Variants in DCDC1 observed in about 807,000 individuals in gnomAD.
DCDC1 encodes doublecortin domain containing 1.
Under a neutral mutation model 178.3 loss-of-function variants are expected in DCDC1, and 200 were observed. That is an observed-to-expected ratio of 1.12 (90% confidence interval 1.00 to 1.26). The LOEUF (loss-of-function observed/expected upper bound fraction) is 1.26, where lower values mean the gene tolerates loss of function less well. DCDC1 is among the 50% of genes most tolerant of loss of function. The probability of loss-of-function intolerance (pLI) is 0.00; values close to 1 mark genes in which losing one functional copy is unlikely to be tolerated. For synonymous variants in DCDC1, 690 were observed against 604.8 expected, an observed-to-expected ratio of 1.14 and a Z score of -2.07; for missense variants, 1,983 against 1,749.2, an observed-to-expected ratio of 1.13 and a Z score of -2.38.
intron 3 of DCDC1, among the ~76,000 whole-genome samples, chr11:31,323,509 A>T (rs990217349): frequency 2.6e-5 from 4 of 152,104 alleles, no homozygotes; most frequent in African/African-American, 9.7e-5. Flanking sequence ...GCAGTCAACC[A>T]TTTTCATCTA....
chr11:30,959,368 G>A (rs886207131), intron 20 of DCDC1, among the ~76,000 whole-genome samples: 4 of 151,992 alleles, frequency 2.6e-5, no homozygotes, highest in South Asian at 2.1e-4. Flanking sequence ...CTCCAAATTC[G>A]CTCAGCCCCA....
intron 31 of DCDC1, chr11:30,904,479 A>G (rs1944921023): frequency 5.9e-6 from 1 of 168,950 alleles, no homozygotes; most frequent in Non-Finnish European, 1.3e-5. Flanking sequence ...GCAGCCCCCA[A>G]GGCAGACCAG....
rs192056646 is a variant in DCDC1, at chr11:31,098,571, T to C, written c.1983+3606A>G. 3.9e-4 allele frequency among the ~76,000 whole-genome samples: 60 copies of C among 152,310 alleles called. No homozygotes were observed. The East Asian group carries it at 6.6e-3, about 17-fold the overall frequency. ...TCTATCTCAAGCCAATTTTAAAACA[T>C]ATGCATCAAGAATATCGGCTTTTGC... On this transcript the variant is annotated intron_variant, in intron 15 of 38. Transcript: ENST00000684477.
intron 9 of DCDC1, among the ~76,000 whole-genome samples, chr11:31,143,730 C>A (rs916726399): frequency 6.6e-6 from 1 of 152,154 alleles, no homozygotes; most frequent in Non-Finnish European, 1.5e-5. Context: ...TCACTTAAGT[C>A]CCTCTATAAA....
chr11:30,984,063 A>G (rs1027258882), intron 20 of DCDC1, among the ~76,000 whole-genome samples: 3 of 152,214 alleles, frequency 2.0e-5, no homozygotes, highest in African/African-American at 7.2e-5. Context: ...CAAGATTAGA[A>G]TCTTAAAAGC....
intron 9 of DCDC1, among the ~76,000 whole-genome samples, chr11:31,209,108 G>A (rs1324647527): frequency 2.6e-5 from 4 of 152,146 alleles, no homozygotes; most frequent in Non-Finnish European, 5.9e-5. Flanking sequence ...AGGAGAACAT[G>A]ATGTTTAACG....
At chr11:30,885,556 T>G (rs916378509) in intron 36 of DCDC1, among the ~76,000 whole-genome samples, 7 of 151,956 alleles carry the variant, frequency 4.6e-5, no homozygotes, top group African/African-American at 1.7e-4. Context: ...AGATAACCAA[T>G]AAGTGATAAC....
chr11:31,258,951 A>C (rs1944595584), intron 8 of DCDC1, among the ~76,000 whole-genome samples: 1 of 152,142 alleles, frequency 6.6e-6, no homozygotes, highest in African/African-American at 2.4e-5. Flanking sequence ...GAACATTAAG[A>C]TGTTTGGAAT....
chr11:31,329,841 AT>A (rs1160085768), intron 2 of DCDC1, among the ~76,000 whole-genome samples: 3 of 152,194 alleles, frequency 2.0e-5, no homozygotes, highest in African/African-American at 7.2e-5. Flanking sequence ...GCTATTGTGA[AT>A]AGTGCCACAA....
intron 29 of DCDC1, among the ~76,000 whole-genome samples, chr11:30,907,532 A>G (rs1238946095): frequency 6.6e-6 from 1 of 152,312 alleles, no homozygotes; most frequent in East Asian, 1.9e-4. Context: ...AAGTGCTTGC[A>G]CATCAGAGCT....
chr11:31,313,509 T>C (rs2137679504), intron 3 of DCDC1, among the ~76,000 whole-genome samples: 1 of 152,304 alleles, frequency 6.6e-6, no homozygotes, highest in South Asian at 2.1e-4. Context: ...TTGCATCCTG[T>C]CCTTCCTGTG....
chr11:31,295,057 AC>A (rs1565567723), intron 6 of DCDC1, among the ~76,000 whole-genome samples: 1 of 152,000 alleles, frequency 6.6e-6, no homozygotes, highest in Non-Finnish European at 1.5e-5. Flanking sequence ...TGGTTTCAAG[AC>A]CCCTGGGATA....
At chr11:31,110,115 C>T (rs1959106131) in intron 12 of DCDC1, 145 bp downstream of exon 12, 3 of 557,974 alleles carry the variant, frequency 5.4e-6, no homozygotes, top group Non-Finnish European at 9.6e-6. Context: ...CTAAGAAATT[C>T]AGAAGTAAAT....
rs1032166315 is a variant in DCDC1 at position 31,061,656 on chromosome 11, A to G, written c.2591+2813T>C. ...CTCACTAAGAAAATGCCTCTGGAAG[A>G]TTTCTTATGAAATCAAATCCCAAAA... On this transcript the variant is annotated intron_variant, in intron 20 of 38. Coordinates refer to ENST00000684477, the MANE Select transcript of DCDC1 (RefSeq NM_001387274.1). 5.3e-5 allele frequency among the ~76,000 whole-genome samples: 8 copies of G among 152,130 alleles called. 1 individual carries two copies. The highest frequency in any genetic ancestry group is 3.3e-4 in the Admixed American group (5 of 15,260).
At chr11:30,931,038 A>T (rs1946893586) in intron 22 of DCDC1, among the ~76,000 whole-genome samples, 1 of 152,148 alleles carries the variant, frequency 6.6e-6, no homozygotes, top group Non-Finnish European at 1.5e-5. Flanking sequence ...GCAGCCTCAA[A>T]TATTCTAAAC....
chr11:30,952,593 AAG>A (rs1230360141), intron 20 of DCDC1, 25 bp from the exon 21 acceptor site: 2 of 1,049,390 alleles, frequency 1.9e-6, no homozygotes, highest in Non-Finnish European at 2.8e-6. Context: ...AAAAAACAAA[AAG>A]AAATTTAGCA....
At chr11:30,950,308 A>C (rs538040068) in intron 21 of DCDC1, among the ~76,000 whole-genome samples, 1 of 152,304 alleles carries the variant, frequency 6.6e-6, no homozygotes, top group Non-Finnish European at 1.5e-5. Context: ...AAAACTAAAA[A>C]TAGAACTACC....
At chr11:31,363,559 A>C (rs1281408454) in intron 1 of DCDC1, among the ~76,000 whole-genome samples, 1 of 152,188 alleles carries the variant, frequency 6.6e-6, no homozygotes, top group East Asian at 1.9e-4. Flanking sequence ...AAAAACCTGA[A>C]TGCAATAACA....
At chr11:30,873,431 T>A (rs1941820636) in intron 38 of DCDC1, among the ~76,000 whole-genome samples, 1 of 151,572 alleles carries the variant, frequency 6.6e-6, no homozygotes, top group Non-Finnish European at 1.5e-5. Flanking sequence ...AAAACTAATT[T>A]TCTTTGTATT....
Sources: allele counts gnomAD v4.1 joint callset (sites outside exome capture counted in the v4.1 genomes callset), GRCh38; gene constraint gnomAD v4.1.1; transcripts MANE v1.5; gene names NCBI Gene and HGNC (gene_info 2026-07-23, HGNC 2026-07-21).